CSGALNACT1: variants seen among roughly 807,000 people sequenced by gnomAD.
CSGALNACT1 encodes the protein chondroitin sulfate N-acetylgalactosaminyltransferase 1, also known as beta4GalNAcT-1.
In CSGALNACT1, 52 loss-of-function variants were observed where a neutral mutation model predicts 51.0. That is an observed-to-expected ratio of 1.02 (90% confidence interval 0.82 to 1.29). CSGALNACT1 has a LOEUF of 1.29. Ranked by LOEUF, CSGALNACT1 falls within the 50% of genes most tolerant of loss-of-function variation. The pLI, the probability that CSGALNACT1 is intolerant of heterozygous loss-of-function variation, is 0.00. For synonymous variants in CSGALNACT1, 341 were observed against 254.4 expected, an observed-to-expected ratio of 1.34 and a Z score of -3.24; for missense variants, 935 against 679.2, an observed-to-expected ratio of 1.38 and a Z score of -4.19.
intron 4 of CSGALNACT1, among the ~76,000 whole-genome samples, chr8:19,471,940 C>T (rs2068284761): frequency 6.6e-6 from 1 of 152,178 alleles, no homozygotes; most frequent in Non-Finnish European, 1.5e-5. Context: ...TCAGGCTGCT[C>T]AAAACAACTC....
intron 4 of CSGALNACT1, among the ~76,000 whole-genome samples, chr8:19,472,806 T>C (rs1454197556): frequency 2.0e-5 from 3 of 152,166 alleles, no homozygotes; most frequent in Admixed American, 6.5e-5. Context: ...CTTTGAAGAG[T>C]AAGATAATAT....
intron 3 of CSGALNACT1, among the ~76,000 whole-genome samples, chr8:19,528,479 A>G (rs901940274): frequency 6.6e-6 from 1 of 152,142 alleles, no homozygotes; most frequent in Non-Finnish European, 1.5e-5. Flanking sequence ...CCCGCAAAAT[A>G]CCAAACACCC....
At chr8:19,409,261 T>G (rs1184623570) in intron 8 of CSGALNACT1, among the ~76,000 whole-genome samples, 2 of 152,204 alleles carry the variant, frequency 1.3e-5, no homozygotes, top group Non-Finnish European at 2.9e-5. Context: ...CTGTTAACTC[T>G]CGCTTGCTGA....
intron 3 of CSGALNACT1, among the ~76,000 whole-genome samples, chr8:19,580,602 A>G (rs1420281256): frequency 6.6e-6 from 1 of 152,230 alleles, no homozygotes; most frequent in Admixed American, 6.5e-5. Flanking sequence ...GCATCCAGAG[A>G]GCCTAAAAAT....
chr8:19,665,485 G>A (rs2059111419), intron 1 of CSGALNACT1, among the ~76,000 whole-genome samples: 1 of 152,184 alleles, frequency 6.6e-6, no homozygotes, highest in African/African-American at 2.4e-5. Context: ...TACTCAGGCT[G>A]CGGGTAAACA....
At chr8:19,409,453 G>C (rs1391020345) in intron 8 of CSGALNACT1, among the ~76,000 whole-genome samples, 1 of 151,828 alleles carries the variant, frequency 6.6e-6, no homozygotes, top group East Asian at 1.9e-4. Context: ...TATATTTGCT[G>C]AAACAGCAAG....
exon 4 of CSGALNACT1, chr8:19,505,238 G>A: frequency 1.2e-6 from 2 of 1,614,152 alleles, no homozygotes; most frequent in Non-Finnish European, 1.7e-6. Flanking sequence ...GACGGTGATT[G>A]GGGCTGTTCT....
chr8:19,500,785 T>G (rs4484715), intron 4 of CSGALNACT1, among the ~76,000 whole-genome samples: 66,440 of 152,058 alleles, frequency 0.44, 15,941 homozygotes, highest in East Asian at 0.84. Context: ...TAGTCCATTG[T>G]GTGCTGCTAT....
intron 4 of CSGALNACT1, among the ~76,000 whole-genome samples, chr8:19,504,324 C>G (rs76156997): frequency 1.3e-5 from 2 of 152,214 alleles, no homozygotes; most frequent in East Asian, 3.9e-4. Context: ...GATCCGCCTG[C>G]CTGGGCCTCC....
intron 8 of CSGALNACT1, 39 bp downstream of exon 7, chr8:19,418,617 A>C: frequency 7.5e-7 from 1 of 1,338,882 alleles, no homozygotes; most frequent in East Asian, 2.3e-5. Context: ...CAGACACTAA[A>C]CAGAGCCACA....
At chr8:19,755,477 A>AAAAAAAAAAAAAAC (rs1563239954) in intron 1 of CSGALNACT1, among the ~76,000 whole-genome samples, 2 of 149,700 alleles carry the variant, frequency 1.3e-5, no homozygotes, top group South Asian at 2.1e-4. Flanking sequence ...AAAAAAAAAA[A>AAAAAAAAAAAAAAC]AAAAGACAAC....
rs533830385 is a variant in CSGALNACT1 at position 19,443,035 on chromosome 8, C to A, written c.852-3104G>T. On this transcript the variant is annotated intron_variant, in intron 5 of 9. Transcript: ENST00000454498. ...CTCTAACGATCCCAGGCACCGAGCA[C>A]CTCATGCTCCAGCTTTCTGACAAAA... Among the ~76,000 whole-genome samples, 4 of 152,278 alleles carry A rather than the reference C, an allele frequency of 2.6e-5. No individual in the cohort carries two copies. The South Asian group carries it at 8.3e-4, about 32-fold the overall frequency.
chr8:19,490,017 A>G (rs1487013389), intron 4 of CSGALNACT1, among the ~76,000 whole-genome samples: 1 of 152,202 alleles, frequency 6.6e-6, no homozygotes, highest in Admixed American at 6.5e-5. Flanking sequence ...TAATTACCAC[A>G]TGGGCCAGCT....
At chr8:19,707,977 C>T (rs1377737223) in intron 1 of CSGALNACT1, among the ~76,000 whole-genome samples, 1 of 152,132 alleles carries the variant, frequency 6.6e-6, no homozygotes, top group Non-Finnish European at 1.5e-5. Context: ...CACTGCACTC[C>T]AGCCTGGGTG....
At chr8:19,597,196 A>C (rs924788919) in intron 2 of CSGALNACT1, among the ~76,000 whole-genome samples, 3 of 151,990 alleles carry the variant, frequency 2.0e-5, no homozygotes, top group African/African-American at 7.3e-5. Context: ...AGGCTGAAAA[A>C]TATTCCATTG....
chr8:19,405,965 G>C (rs375826708), exon 10 of CSGALNACT1: 4 of 1,614,198 alleles, frequency 2.5e-6, no homozygotes, highest in Non-Finnish European at 3.4e-6. Context: ...AGGTGGAAGA[G>C]TCCTCGCACA....
At position 19,418,699 on chromosome 8, in the gene CSGALNACT1, A is replaced by G. The variant is rs767089032; in HGVS notation, c.1184T>C (p.Ile395Thr). Residue 395 changes from isoleucine (I) to threonine (T), a missense_variant, in exon 8 of 10, where the codon ATA becomes ACA. Physicochemically the swap from Ile to Thr is moderately conservative, Grantham distance 89. Transcript: ENST00000454498. The stretch of plus-strand genomic sequence containing the variant: ...AGGGACTGCATCATGGTGGCCGTAT[A>G]TTATGCCAGGATTGTACTGACTGAA... 36 of 1,613,776 alleles carry G rather than the reference A, an allele frequency of 2.2e-5. No individual in the cohort carries two copies. Among genetic ancestry groups the G allele is most frequent in the Non-Finnish European group, 2.4e-5 (28 of 1,179,780 alleles).
intron 1 of CSGALNACT1, among the ~76,000 whole-genome samples, chr8:19,735,573 A>C (rs1035247377): frequency 1.3e-5 from 2 of 152,196 alleles, no homozygotes; most frequent in Admixed American, 6.5e-5. Context: ...GGAACTATCA[A>C]AGAAAAACTA....
intron 1 of CSGALNACT1, among the ~76,000 whole-genome samples, chr8:19,666,199 A>G (rs1246743884): frequency 6.6e-6 from 1 of 152,218 alleles, no homozygotes; most frequent in African/African-American, 2.4e-5. Context: ...GTATTCTAAC[A>G]GTGTTCTTGC....
Sources: allele counts gnomAD v4.1 joint callset (sites outside exome capture counted in the v4.1 genomes callset), GRCh38; gene constraint gnomAD v4.1.1; transcripts MANE v1.5; gene names NCBI Gene and HGNC (gene_info 2026-07-23, HGNC 2026-07-21).